SNX13: variants seen among roughly 807,000 people sequenced by gnomAD.
SNX13 encodes sorting nexin 13, also known as sorting nexin-13.
A neutral mutation model predicts 133.6 loss-of-function variants in SNX13; 45 were observed. That is an observed-to-expected ratio of 0.34 (90% CI 0.27 to 0.43). SNX13 has a LOEUF of 0.43. SNX13 is among the 20% of genes least tolerant of loss of function. SNX13 has a pLI of 1.00. For missense variants in SNX13, 1,032 were observed against 1,145.1 expected (o/e 0.90, Z 1.43); for synonymous variants, 414 against 373.9 (o/e 1.11, Z -1.24).
intron 9 of SNX13, among the ~76,000 whole-genome samples, chr7:17,861,981 G>C (rs62446886): frequency 0.039 from 5,879 of 152,278 alleles, 152 homozygotes; most frequent in Non-Finnish European, 0.058. Flanking sequence ...GAGGAGGCAA[G>C]AAGTGAGGTT....
intron 13 of SNX13, among the ~76,000 whole-genome samples, chr7:17,839,021 T>A (rs1222499348): frequency 6.7e-6 from 1 of 149,876 alleles, no homozygotes; most frequent in Non-Finnish European, 1.5e-5. Flanking sequence ...TTAGAATTGT[T>A]ATTAGATTAG....
chr7:17,878,210 TA>T (rs1794939640), intron 5 of SNX13, among the ~76,000 whole-genome samples: 1 of 152,144 alleles, frequency 6.6e-6, no homozygotes, highest in Non-Finnish European at 1.5e-5. Flanking sequence ...TCATTTTGCT[TA>T]AAATATTCCC....
At chr7:17,816,475 A>G (rs1786677754) in intron 18 of SNX13, among the ~76,000 whole-genome samples, 186 bp from the exon 19 acceptor site, 2 of 152,206 alleles carry the variant, frequency 1.3e-5, no homozygotes, top group Non-Finnish European at 2.9e-5. Flanking sequence ...CAGCCTGACC[A>G]ACATAGAGAG....
intron 1 of SNX13, among the ~76,000 whole-genome samples, chr7:17,917,757 A>G (rs1799715955): frequency 6.6e-6 from 1 of 152,154 alleles, no homozygotes; most frequent in South Asian, 2.1e-4. Context: ...AATTCCTATC[A>G]AAGTGTCAAC....
chr7:17,864,345 A>C (rs1278183971), intron 9 of SNX13, among the ~76,000 whole-genome samples: 1 of 152,148 alleles, frequency 6.6e-6, no homozygotes, highest in African/African-American at 2.4e-5. Context: ...AATAATAAAC[A>C]AACTCTAGAA....
chr7:17,851,508 G>A (rs1013567773), intron 9 of SNX13, among the ~76,000 whole-genome samples: 5 of 152,180 alleles, frequency 3.3e-5, no homozygotes, highest in African/African-American at 1.2e-4. Flanking sequence ...TGGTGACAAT[G>A]GTGGTGTGGT....
chr7:17,864,604 T>C (rs1440088677), intron 9 of SNX13, among the ~76,000 whole-genome samples: 1 of 151,694 alleles, frequency 6.6e-6, no homozygotes, highest in Non-Finnish European at 1.5e-5. Flanking sequence ...AAAGAAATAA[T>C]AACAAAGAAC....
intron 1 of SNX13, among the ~76,000 whole-genome samples, chr7:17,940,018 G>C (rs1164082687): frequency 6.6e-6 from 1 of 152,222 alleles, no homozygotes; most frequent in Non-Finnish European, 1.5e-5. Context: ...AGAAGGGAGT[G>C]ACAGCAGGAG....
At chr7:17,852,463 A>C (rs995658232) in intron 9 of SNX13, among the ~76,000 whole-genome samples, 1 of 152,220 alleles carries the variant, frequency 6.6e-6, no homozygotes, top group East Asian at 1.9e-4. Flanking sequence ...GATGTAAAAC[A>C]AAAATAAGGA....
intron 17 of SNX13, 154 bp from the exon 18 acceptor site, chr7:17,821,802 T>A (rs1787323911): frequency 2.7e-5 from 22 of 819,056 alleles, no homozygotes; most frequent in Non-Finnish European, 4.0e-5. Flanking sequence ...GACAGAAGGA[T>A]GTCAGCAAAG....
chr7:17,792,911 G>A lies in SNX13; in HGVS notation c.*1134C>T, dbSNP rs1220806708. 6.6e-6 allele frequency: 1 copy of A among 152,098 alleles called. No individual in the cohort carries two copies. The highest frequency in any genetic ancestry group is 1.5e-5 in the Non-Finnish European group (1 of 67,780). 9.4% of individuals were successfully genotyped at this position (152,098 alleles called of 1,614,324 possible). ...TTAAAGGTATACACTGAGGGGTCTT[G>A]CCTACTAGCTTTATTTTGTAGAACT... On this transcript the variant is annotated 3_prime_UTR_variant, in exon 26 of 26. Transcript: ENST00000428135.
intron 1 of SNX13, among the ~76,000 whole-genome samples, chr7:17,902,242 G>A (rs1319966956): frequency 8.3e-6 from 1 of 120,360 alleles, no homozygotes; most frequent in South Asian, 2.9e-4. Flanking sequence ...TACTGTCATG[G>A]TTTTTTTTTT....
At chr7:17,918,640 T>C (rs1384035166) in intron 1 of SNX13, among the ~76,000 whole-genome samples, 1 of 152,164 alleles carries the variant, frequency 6.6e-6, no homozygotes, top group Non-Finnish European at 1.5e-5. Context: ...AAAAAGGAAA[T>C]GTTAATACAC....
chr7:17,877,295 C>T (rs1794841128), intron 5 of SNX13, among the ~76,000 whole-genome samples: 2 of 151,856 alleles, frequency 1.3e-5, no homozygotes. Flanking sequence ...AAGCATATAA[C>T]TAAACTTGGT....
At chr7:17,902,889 A>T (rs1012013579) in intron 1 of SNX13, among the ~76,000 whole-genome samples, 4 of 152,086 alleles carry the variant, frequency 2.6e-5, no homozygotes, top group African/African-American at 9.7e-5. Flanking sequence ...CCTATTGTGA[A>T]CTGTGCATGT....
intron 20 of SNX13, among the ~76,000 whole-genome samples, chr7:17,805,248 T>C (rs79465695): frequency 0.021 from 1,851 of 89,188 alleles, 22 homozygotes; most frequent in Non-Finnish European, 0.023. Context: ...TGTGTGTGTG[T>C]GTGCGTGCGC....
At chr7:17,810,814 T>G (rs181967956) in intron 20 of SNX13, among the ~76,000 whole-genome samples, 1 of 152,206 alleles carries the variant, frequency 6.6e-6, no homozygotes. Context: ...CACAATCAAG[T>G]TGGCTTCATC....
intron 20 of SNX13, among the ~76,000 whole-genome samples, chr7:17,808,293 A>G (rs1475676434): frequency 6.6e-6 from 1 of 152,230 alleles, no homozygotes; most frequent in Non-Finnish European, 1.5e-5. Flanking sequence ...ACAGCATGAG[A>G]ACTTTGTGAA....
intron 9 of SNX13, among the ~76,000 whole-genome samples, chr7:17,863,122 G>GGAGCA (rs1389511680): frequency 6.6e-6 from 1 of 152,126 alleles, no homozygotes; most frequent in African/African-American, 2.4e-5. Context: ...ACCCAGGGAA[G>GGAGCA]GAGCATTTAG....
Sources: gnomAD v4.1 joint callset for allele counts (sites outside exome capture counted in the v4.1 genomes callset) on GRCh38, gnomAD v4.1.1 for gene constraint, MANE v1.5 for transcripts, NCBI Gene and HGNC (gene_info 2026-07-23, HGNC 2026-07-21) for gene names.